The following TMOD3 variants were observed in gnomAD, a reference collection of about 807,000 sequenced individuals.
TMOD3 encodes tropomodulin 3.
TMOD3 carries 20 observed loss-of-function variants against 39.2 expected under a neutral mutation model. The observed-to-expected ratio is 0.51, with a 90% CI of 0.36 to 0.74. TMOD3 has a LOEUF of 0.74. Among genes scored for constraint, TMOD3 ranks in the 30% least tolerant of loss-of-function variants. TMOD3 has a pLI of 0.00. For missense variants in TMOD3, 381 were observed against 412.8 expected, an observed-to-expected ratio of 0.92 and a Z score of 0.67; for synonymous variants, 143 against 145.8, an observed-to-expected ratio of 0.98 and a Z score of 0.14.
intron 9 of TMOD3, among the ~76,000 whole-genome samples, chr15:51,902,556 C>T (rs756658260): frequency 1.5e-4 from 23 of 151,944 alleles, no homozygotes; most frequent in South Asian, 4.2e-4. Flanking sequence ...CTGCAACCTC[C>T]GCCTCCCAGG....
intron 5 of TMOD3, chr15:51,892,283 T>A (rs902802271): frequency 6.6e-6 from 1 of 152,210 alleles, no homozygotes; most frequent in Non-Finnish European, 1.5e-5. Flanking sequence ...TTTGTGAGCC[T>A]TTTGTGGTCT....
rs145478369 is a variant in TMOD3, at chr15:51,902,004, C to T, written c.992C>T (p.Ala331Val). Residue 331 changes from alanine (A) to valine (V), a missense_variant, in exon 9 of 10, where the codon GCA becomes GTA. Transcript: ENST00000308580. ...QFTQQGPRTR[A>V]ANAITKNNDL... ...ACACAGCAGGGACCACGAACCAGAG[C>T]AGCTAATGCTATAACAAAAAACAAT... 5 of 1,613,942 alleles carry T rather than the reference C, an allele frequency of 3.1e-6. No homozygotes were observed. In the African/African-American group the frequency reaches 6.7e-5, roughly 22 times the overall value.
At chr15:51,861,115 G>C in intron 1 of TMOD3, 1 of 536,992 alleles carries the variant, frequency 1.9e-6, no homozygotes, top group Non-Finnish European at 3.5e-6. Context: ...TTAATTTCAT[G>C]TTGAACATAA....
At chr15:51,849,640 C>T (rs1209714980) in intron 1 of TMOD3, among the ~76,000 whole-genome samples, 2 of 152,070 alleles carry the variant, frequency 1.3e-5, no homozygotes, top group Non-Finnish European at 2.9e-5. Context: ...TCTAATAGGT[C>T]TCTTAAGATG....
chr15:51,863,789 G>T (rs2056431074), intron 2 of TMOD3, among the ~76,000 whole-genome samples: 1 of 152,130 alleles, frequency 6.6e-6, no homozygotes, highest in South Asian at 2.1e-4. Flanking sequence ...TAACGTTGTT[G>T]TTACTGGATG....
intron 3 of TMOD3, among the ~76,000 whole-genome samples, chr15:51,876,916 A>T (rs1404762096): frequency 6.6e-6 from 1 of 152,130 alleles, no homozygotes; most frequent in Non-Finnish European, 1.5e-5. Flanking sequence ...AAAAAAAGTT[A>T]GCTGGATGCG....
rs370035550 is a variant in TMOD3 at position 51,886,531 on chromosome 15, C to T, written c.284-1058C>T. ...GAATACAAAAACCAGTCAGGCGTGG[C>T]GGTGCGCGCCCGCATTCCCAGGCAC... On this transcript the variant is annotated intron_variant, in intron 3 of 9. Coordinates refer to ENST00000308580, the MANE Select transcript of TMOD3 (RefSeq NM_014547.5). 2.8e-4 allele frequency among the ~76,000 whole-genome samples: 42 copies of T among 152,284 alleles called. 1 individual carries two copies. In the East Asian group the frequency reaches 5.6e-3, roughly 20 times the overall value.
chr15:51,831,747 CTTTT>C (rs140654829), intron 1 of TMOD3, among the ~76,000 whole-genome samples: 1 of 150,686 alleles, frequency 6.6e-6, no homozygotes, highest in Non-Finnish European at 1.5e-5. Flanking sequence ...TTTCTCTTTG[CTTTT>C]TTTTTCTCTC....
Position 51,832,203 on chromosome 15 carries a change from TTATATATATATATATA to T in TMOD3, c.-75+2381_-75+2396del, listed in dbSNP as rs3985812. ...TGTCTCTCTAAAAAAAGAAAAAAAATTATATATATATATATATATATATATATATGAATGACATGGT... is the reference window on the plus strand; with the variant it reads ...TGTCTCTCTAAAAAAAGAAAAAAAATTATATATATATATGAATGACATGGT... On this transcript the variant is annotated intron_variant, in intron 1 of 9. Coordinates refer to ENST00000308580, the MANE Select transcript of TMOD3 (RefSeq NM_014547.5). Among the ~76,000 whole-genome samples, 13 of 79,350 alleles carry T rather than the reference TTATATATATATATATA, an allele frequency of 1.6e-4. 2 individuals are homozygous for T. Among genetic ancestry groups the T allele is most frequent in the African/African-American group, 2.1e-4 (5 of 24,322 alleles). The allele number at this position is 79,350 out of a possible 152,430, so 52.1% of individuals were successfully genotyped here.
chr15:51,853,416 G>A (rs746820889), intron 1 of TMOD3, among the ~76,000 whole-genome samples: 6 of 152,080 alleles, frequency 3.9e-5, no homozygotes, highest in Non-Finnish European at 7.4e-5. Flanking sequence ...GCCCAGGCTC[G>A]TCTCAAACTC....
chr15:51,902,324 A>G (rs1308294019), intron 9 of TMOD3, among the ~76,000 whole-genome samples: 2 of 152,238 alleles, frequency 1.3e-5, no homozygotes, highest in Non-Finnish European at 2.9e-5. Flanking sequence ...CAGTCCTTGG[A>G]ACTATTGAAA....
chr15:51,830,787 G>A (rs2056251077), intron 1 of TMOD3, among the ~76,000 whole-genome samples: 2 of 152,166 alleles, frequency 1.3e-5, no homozygotes, highest in South Asian at 2.1e-4. Context: ...TAATTGGCCC[G>A]TCAAAAATAT....
intron 3 of TMOD3, 121 bp downstream of exon 3, chr15:51,869,494 G>A (rs1185075366): frequency 2.2e-6 from 2 of 909,420 alleles, no homozygotes; most frequent in Non-Finnish European, 3.4e-6. Flanking sequence ...ATATGATACT[G>A]TTGACTTAGA....
intron 1 of TMOD3, among the ~76,000 whole-genome samples, chr15:51,851,138 G>T (rs2056359902): frequency 6.6e-6 from 1 of 152,150 alleles, no homozygotes; most frequent in Admixed American, 6.6e-5. Flanking sequence ...GATAAGGACT[G>T]CTGGGGGGTG....
chr15:51,897,782 A>AG (rs2056628804), intron 7 of TMOD3, among the ~76,000 whole-genome samples: 1 of 24,070 alleles, frequency 4.2e-5, no homozygotes, highest in African/African-American at 2.6e-4. Context: ...CACGCCCAGC[A>AG]AAAAAAAAAA....
intron 1 of TMOD3, among the ~76,000 whole-genome samples, chr15:51,837,793 C>A (rs1307500919): frequency 6.6e-6 from 1 of 152,136 alleles, no homozygotes; most frequent in Non-Finnish European, 1.5e-5. Flanking sequence ...AGACATTGGC[C>A]AGCATTCCAA....
rs2056729395 is a variant in TMOD3, at chr15:51,915,640, G to A, written c.*6830G>A. 6.6e-6 allele frequency: 1 copy of A among 152,044 alleles called. No individual in the cohort carries two copies. Among genetic ancestry groups the A allele is most frequent in the Non-Finnish European group, 1.5e-5 (1 of 67,994 alleles). The allele number at this position is 152,044 out of a possible 1,614,324, so 9.4% of individuals were successfully genotyped here. The stretch of plus-strand genomic sequence containing the variant: ...ATAACAGCACAGTGAAGTTTCTTTT[G>A]AAGACTATGTACTGGAAGCATTTAG... On this transcript the variant is annotated 3_prime_UTR_variant, in exon 10 of 10. Transcript: ENST00000308580.
At chr15:51,908,338 C>T (rs1353728281) in intron 9 of TMOD3, among the ~76,000 whole-genome samples, 3 of 152,184 alleles carry the variant, frequency 2.0e-5, no homozygotes, top group Non-Finnish European at 4.4e-5. Flanking sequence ...CTTTGGGATG[C>T]TGAGGCGGGC....
chr15:51,879,856 T>TCTCACACACA (rs1555387131), intron 3 of TMOD3, among the ~76,000 whole-genome samples: 114 of 142,658 alleles, frequency 8.0e-4, no homozygotes, highest in African/African-American at 2.7e-3. Context: ...TCTCTGTCTT[T>TCTCACACACA]CACACACACA....
Sources: gnomAD v4.1 joint callset for allele counts (sites outside exome capture counted in the v4.1 genomes callset) on GRCh38, gnomAD v4.1.1 for gene constraint, MANE v1.5 for transcripts, NCBI Gene and HGNC (gene_info 2026-07-23, HGNC 2026-07-21) for gene names.